Variants in FILIP1L observed in about 807,000 individuals in gnomAD.
FILIP1L encodes the protein filamin A-interacting protein 1-like.
In FILIP1L, 55 loss-of-function variants were observed where a neutral mutation model predicts 96.6. That is an observed-to-expected ratio of 0.57 (90% CI 0.46 to 0.71). The LOEUF is 0.71. Ranked by LOEUF, FILIP1L falls within the 30% of genes least tolerant of loss-of-function variation. The pLI is 0.00. For synonymous variants in FILIP1L, 467 were observed against 473.9 expected (o/e 0.99, Z 0.19); for missense variants, 1,304 against 1,321.2 (o/e 0.99, Z 0.20).
chr3:100,107,786 T>C (rs940228580), intron 1 of FILIP1L, among the ~76,000 whole-genome samples: 1 of 151,832 alleles, frequency 6.6e-6, no homozygotes, highest in African/African-American at 2.4e-5. Flanking sequence ...CTCAGAATCC[T>C]CTGGACTGTG....
chr3:99,918,039 G>C (rs889528455), intron 4 of FILIP1L, among the ~76,000 whole-genome samples: 3 of 152,008 alleles, frequency 2.0e-5, no homozygotes, highest in Non-Finnish European at 4.4e-5. Flanking sequence ...GTGCAGTGGC[G>C]TGATCTCGGC....
chr3:99,834,203 T>A (rs1314022314), intron 5 of FILIP1L, among the ~76,000 whole-genome samples: 1 of 152,236 alleles, frequency 6.6e-6, no homozygotes, highest in East Asian at 1.9e-4. Flanking sequence ...AGTTTTACGC[T>A]TTATACAGGA....
intron 1 of FILIP1L, chr3:100,010,140 C>A: frequency 1.0e-6 from 1 of 972,950 alleles, no homozygotes; most frequent in Non-Finnish European, 1.2e-6. Context: ...GGTAAGTCAT[C>A]TGATTGGAGC....
At chr3:100,067,243 TCCCTACTCAAAC>T (rs897134723) in intron 1 of FILIP1L, among the ~76,000 whole-genome samples, 62 of 152,180 alleles carry the variant, frequency 4.1e-4, no homozygotes, top group African/African-American at 1.5e-3. Flanking sequence ...AAGTAAGGTA[TCCCTACTCAAAC>T]TGAATTACCA....
At chr3:99,845,361 A>G (rs552325906) in intron 5 of FILIP1L, among the ~76,000 whole-genome samples, 1 of 152,324 alleles carries the variant, frequency 6.6e-6, no homozygotes, top group East Asian at 1.9e-4. Context: ...GAATGTGAGT[A>G]AAATGAAACT....
At chr3:100,022,726 CAT>C (rs1450638755) in intron 1 of FILIP1L, among the ~76,000 whole-genome samples, 27 of 152,180 alleles carry the variant, frequency 1.8e-4, no homozygotes, top group Non-Finnish European at 3.1e-4. Flanking sequence ...CAGCAGTCAT[CAT>C]ATGTTTCCAT....
At chr3:100,021,960 T>TGTGTGA (rs1321185364) in intron 1 of FILIP1L, among the ~76,000 whole-genome samples, 76 of 93,320 alleles carry the variant, frequency 8.1e-4, no homozygotes, top group African/African-American at 1.6e-3. Context: ...TGTGTGTGTG[T>TGTGTGA]GAGAGAGAGA....
At chr3:100,038,702 T>G (rs2065151567) in intron 1 of FILIP1L, among the ~76,000 whole-genome samples, 1 of 152,164 alleles carries the variant, frequency 6.6e-6, no homozygotes, top group Admixed American at 6.5e-5. Flanking sequence ...TCTCAGTCCA[T>G]GTCCTACATA....
At chr3:99,956,533 G>A (rs1423643987) in intron 1 of FILIP1L, among the ~76,000 whole-genome samples, 2 of 152,158 alleles carry the variant, frequency 1.3e-5, no homozygotes, top group Admixed American at 6.5e-5. Context: ...TGAGATTATA[G>A]ATGGGGTTTC....
intron 1 of FILIP1L, among the ~76,000 whole-genome samples, chr3:100,056,813 G>A (rs2065472001): frequency 6.6e-6 from 1 of 152,046 alleles, no homozygotes; most frequent in Non-Finnish European, 1.5e-5. Flanking sequence ...GACCATCCTG[G>A]CTAACACAGT....
chr3:100,000,751 C>G (rs1175801076), intron 1 of FILIP1L, among the ~76,000 whole-genome samples: 2 of 152,190 alleles, frequency 1.3e-5, no homozygotes, highest in Non-Finnish European at 2.9e-5. Context: ...CCCTATTCCC[C>G]AGGAGTAGCC....
chr3:99,896,023 C>T (rs916339107), intron 4 of FILIP1L, among the ~76,000 whole-genome samples: 1 of 152,004 alleles, frequency 6.6e-6, no homozygotes, highest in Non-Finnish European at 1.5e-5. Context: ...GGAACTGCCA[C>T]GGTTCCATAT....
intron 4 of FILIP1L, among the ~76,000 whole-genome samples, chr3:99,886,504 G>A (rs1705902286): frequency 6.6e-6 from 1 of 152,168 alleles, no homozygotes; most frequent in African/African-American, 2.4e-5. Context: ...TGGGTCACTT[G>A]CAACCCATGG....
chr3:100,026,612 T>G (rs1483168992), intron 1 of FILIP1L, among the ~76,000 whole-genome samples: 1 of 152,182 alleles, frequency 6.6e-6, no homozygotes, highest in East Asian at 1.9e-4. Context: ...GCAGAAAACT[T>G]GGAGTTGTCC....
At chr3:100,008,482 T>C (rs1302864653) in intron 1 of FILIP1L, among the ~76,000 whole-genome samples, 3 of 152,192 alleles carry the variant, frequency 2.0e-5, no homozygotes, top group Non-Finnish European at 4.4e-5. Flanking sequence ...ATTCTCATTC[T>C]CCAGGACTTC....
At chr3:100,031,768 AG>A (rs1322660628) in intron 1 of FILIP1L, among the ~76,000 whole-genome samples, 1 of 152,154 alleles carries the variant, frequency 6.6e-6, no homozygotes, top group Non-Finnish European at 1.5e-5. Context: ...CTTTCTCCAA[AG>A]GGAAACACCC....
At chr3:99,997,377 A>G (rs570375745) in intron 1 of FILIP1L, among the ~76,000 whole-genome samples, 32 of 152,358 alleles carry the variant, frequency 2.1e-4, no homozygotes, top group Admixed American at 1.6e-3. Context: ...GCTGTATGCT[A>G]TCTTTTTAAT....
chr3:99,836,338 A>G (rs1942894291), intron 5 of FILIP1L, among the ~76,000 whole-genome samples: 3 of 152,192 alleles, frequency 2.0e-5, no homozygotes, highest in Admixed American at 2.0e-4. Flanking sequence ...GTGATGGACC[A>G]TCAATAGAGG....
chr3:99,904,372 A>G (rs531800056), intron 4 of FILIP1L, among the ~76,000 whole-genome samples: 1 of 152,346 alleles, frequency 6.6e-6, no homozygotes, highest in African/African-American at 2.4e-5. Flanking sequence ...CAGTAGTAGA[A>G]TCTGCCTGGC....
Sources: allele counts gnomAD v4.1 joint callset (sites outside exome capture counted in the v4.1 genomes callset), GRCh38; gene constraint gnomAD v4.1.1; transcripts MANE v1.5; gene names NCBI Gene and HGNC (gene_info 2026-07-23, HGNC 2026-07-21).